Variants in RANBP2 observed in about 807,000 individuals in gnomAD.
RANBP2 encodes E3 SUMO-protein ligase RanBP2.
In RANBP2, 57 loss-of-function variants were observed where a neutral mutation model predicts 303.6. That is an observed-to-expected ratio of 0.19 (90% confidence interval 0.15 to 0.23). RANBP2 has a LOEUF of 0.23. Among genes scored for constraint, RANBP2 ranks in the 10% least tolerant of loss-of-function variants. RANBP2 has a pLI of 1.00. For missense variants in RANBP2, 3,138 were observed against 3,780.8 expected, an observed-to-expected ratio of 0.83 and a Z score of 4.46; for synonymous variants, 1,167 against 1,301.5, an observed-to-expected ratio of 0.90 and a Z score of 2.23.
the RANBP2 span, among the ~76,000 whole-genome samples, chr2:108,905,510 G>T: frequency 7.2e-6 from 1 of 138,890 alleles, no homozygotes; most frequent in Non-Finnish European, 1.5e-5. Context: ...ACAGGGGGCT[G>T]CATTTGGCCT....
the RANBP2 span, among the ~76,000 whole-genome samples, chr2:109,697,864 T>C: frequency 6.7e-6 from 1 of 150,088 alleles, no homozygotes; most frequent in African/African-American, 2.5e-5. Context: ...TAAAGTTTTT[T>C]TTTTTTTTTT....
the RANBP2 span, among the ~76,000 whole-genome samples, chr2:109,221,672 T>C: frequency 1.3e-5 from 2 of 152,136 alleles, no homozygotes; most frequent in African/African-American, 4.8e-5. Flanking sequence ...TTCTGTGTCT[T>C]TTGAGAAATG....
chr2:109,200,271 G>T, the RANBP2 span, among the ~76,000 whole-genome samples: 3 of 152,258 alleles, frequency 2.0e-5, no homozygotes, highest in East Asian at 5.8e-4. Flanking sequence ...TTTCAGCAAG[G>T]TGTTCTCAGT....
chr2:108,929,173 G>C, the RANBP2 span: 1 of 1,613,296 alleles, frequency 6.2e-7, no homozygotes, highest in African/African-American at 1.3e-5. Context: ...GCATGCCAGG[G>C]TTTGCCAGGA....
the RANBP2 span, among the ~76,000 whole-genome samples, chr2:109,330,111 A>G: frequency 6.6e-6 from 1 of 152,248 alleles, no homozygotes; most frequent in African/African-American, 2.4e-5. Context: ...TAGCACGGGC[A>G]TGCATTTCCT....
the RANBP2 span, among the ~76,000 whole-genome samples, chr2:109,464,962 C>CT: frequency 6.6e-6 from 1 of 152,230 alleles, no homozygotes; most frequent in African/African-American, 2.4e-5. Context: ...CCTCTGTGCT[C>CT]TGCCTGTTGA....
At chr2:108,873,691 TGAA>T in the RANBP2 span, 10 of 679,216 alleles carry the variant, frequency 1.5e-5, no homozygotes, top group Non-Finnish European at 1.7e-5. Flanking sequence ...CCACACTGGA[TGAA>T]GAAGAATTGC....
chr2:108,962,079 A>G, the RANBP2 span, among the ~76,000 whole-genome samples: 3 of 152,312 alleles, frequency 2.0e-5, no homozygotes, highest in South Asian at 6.2e-4. Context: ...AAATCACAGA[A>G]GGAAATCCAC....
At chr2:109,087,979 C>A in the RANBP2 span, among the ~76,000 whole-genome samples, 1 of 152,192 alleles carries the variant, frequency 6.6e-6, no homozygotes, top group African/African-American at 2.4e-5. Flanking sequence ...AATTTAGTTT[C>A]TTCGGCCGGG....
the RANBP2 span, among the ~76,000 whole-genome samples, chr2:109,252,659 A>G: frequency 6.6e-6 from 1 of 152,220 alleles, no homozygotes; most frequent in African/African-American, 2.4e-5. Flanking sequence ...TAATACACCA[A>G]ACCTACAGAA....
the RANBP2 span, among the ~76,000 whole-genome samples, chr2:109,402,567 C>G: frequency 6.6e-6 from 1 of 152,220 alleles, no homozygotes; most frequent in East Asian, 1.9e-4. Flanking sequence ...GCAGTGCTGG[C>G]CCCAGCAAGG....
At chr2:108,971,320 C>A in the RANBP2 span, among the ~76,000 whole-genome samples, 1 of 152,042 alleles carries the variant, frequency 6.6e-6, no homozygotes, top group Non-Finnish European at 1.5e-5. Flanking sequence ...CTGCATTACC[C>A]AGGAGCTCGT....
chr2:109,267,417 G>A, the RANBP2 span, among the ~76,000 whole-genome samples: 1 of 152,150 alleles, frequency 6.6e-6, no homozygotes, highest in East Asian at 1.9e-4. Flanking sequence ...AGAAAGAGAC[G>A]CAAAAGAGAA....
chr2:109,601,954 C>G, the RANBP2 span, among the ~76,000 whole-genome samples: 1 of 152,090 alleles, frequency 6.6e-6, no homozygotes, highest in Non-Finnish European at 1.5e-5. Flanking sequence ...TATGGAAATG[C>G]GCTTCCCGAG....
the RANBP2 span, among the ~76,000 whole-genome samples, chr2:109,224,464 G>A: frequency 6.6e-6 from 1 of 152,324 alleles, no homozygotes; most frequent in South Asian, 2.1e-4. Flanking sequence ...CAGCAGTGAT[G>A]GAAATGTCCT....
At chr2:109,692,078 G>C in the RANBP2 span, among the ~76,000 whole-genome samples, 1 of 152,136 alleles carries the variant, frequency 6.6e-6, no homozygotes, top group African/African-American at 2.4e-5. Flanking sequence ...CACCATGCCC[G>C]GCCCATGATC....
chr2:108,762,525 CAATT>C (rs1329448216), intron 19 of RANBP2, among the ~76,000 whole-genome samples: 28 of 89,490 alleles, frequency 3.1e-4, no homozygotes, highest in Non-Finnish European at 3.7e-4. Flanking sequence ...ATATATATAA[CAATT>C]GATTGAAGAC....
chr2:109,621,980 A>G, the RANBP2 span, among the ~76,000 whole-genome samples: 801 of 152,130 alleles, frequency 5.3e-3, 8 homozygotes, highest in African/African-American at 0.018. Context: ...GTTCAGCACT[A>G]TTGAGCAAAG....
chr2:109,129,468 G>T, the RANBP2 span: 2 of 1,494,568 alleles, frequency 1.3e-6, no homozygotes, highest in Non-Finnish European at 1.8e-6. Context: ...CCTGATGCTG[G>T]CTGCCGGTGG....
Sources: allele counts gnomAD v4.1 joint callset (sites outside exome capture counted in the v4.1 genomes callset), GRCh38; gene constraint gnomAD v4.1.1; transcripts MANE v1.5; gene names NCBI Gene and HGNC (gene_info 2026-07-23, HGNC 2026-07-21).